ADD2: variants seen among roughly 807,000 people sequenced by gnomAD.
ADD2 encodes the protein adducin 2, also known as beta-adducin.
ADD2 carries 23 observed loss-of-function variants against 83.0 expected under a neutral mutation model. The observed-to-expected ratio is 0.28, with a 90% confidence interval of 0.20 to 0.39. The LOEUF is 0.39. ADD2 is among the 10% of genes least tolerant of loss of function. ADD2 has a pLI of 1.00. For missense variants in ADD2, 758 were observed against 944.9 expected, an observed-to-expected ratio of 0.80 and a Z score of 2.59; for synonymous variants, 375 against 375.4, an observed-to-expected ratio of 1.00 and a Z score of 0.01.
intron 1 of ADD2, among the ~76,000 whole-genome samples, chr2:70,759,494 G>C (rs782626371): frequency 2.0e-5 from 3 of 152,114 alleles, no homozygotes; most frequent in Admixed American, 2.0e-4. Flanking sequence ...GTTGAAGGAG[G>C]GGGTACCTGG....
intron 1 of ADD2, chr2:70,741,294 T>C (rs1673889560): frequency 6.6e-6 from 1 of 152,190 alleles, no homozygotes; most frequent in Admixed American, 6.5e-5. Context: ...ATTACTGACA[T>C]CTGACATTGA....
chr2:70,706,926 A>G lies in ADD2; in HGVS notation c.-34-484T>C, dbSNP rs1378065837. The stretch of plus-strand genomic sequence containing the variant: ...ACCTAGGTAATGGGTTGATAGGCGC[A>G]GCAAACCACCATGGCACACATTTAC... On this transcript the variant is annotated intron_variant, in intron 2 of 15. Transcript: ENST00000264436. The surrounding 1 kb of genome is among the most constrained non-coding windows in gnomAD (Gnocchi z 5.0). Among the ~76,000 whole-genome samples the G allele has an allele frequency of 1.3e-5, 2 of 152,234 alleles. No individual in the cohort carries two copies. The highest frequency in any genetic ancestry group is 3.8e-4 in the East Asian group (2 of 5,196).
At chr2:70,712,468 A>T (rs555685673) in intron 2 of ADD2, among the ~76,000 whole-genome samples, 33 of 151,922 alleles carry the variant, frequency 2.2e-4, no homozygotes, top group Middle Eastern at 6.8e-3. Context: ...AATAAAAAAA[A>T]AAAAAAAGAA....
chr2:70,664,704 CGTGT>C (rs782330975), intron 15 of ADD2, among the ~76,000 whole-genome samples: 3 of 151,742 alleles, frequency 2.0e-5, no homozygotes, highest in Non-Finnish European at 4.4e-5. Flanking sequence ...TGGGTGAGCA[CGTGT>C]GAGTGTGTAC....
At chr2:70,732,496 A>G (rs1673334249) in intron 1 of ADD2, among the ~76,000 whole-genome samples, 1 of 152,240 alleles carries the variant, frequency 6.6e-6, no homozygotes, top group Non-Finnish European at 1.5e-5. Flanking sequence ...AAGGCAAGGC[A>G]CTAAGCTGGC....
At chr2:70,673,149 C>T in intron 14 of ADD2, 143 bp from the exon 15 acceptor site, 2 of 1,551,332 alleles carry the variant, frequency 1.3e-6, no homozygotes, top group Non-Finnish European at 1.8e-6. Flanking sequence ...GAAGTTAGCT[C>T]CTCCCCCTGA....
chr2:70,740,044 G>A (rs1243121091), intron 1 of ADD2, among the ~76,000 whole-genome samples: 1 of 151,914 alleles, frequency 6.6e-6, no homozygotes, highest in Non-Finnish European at 1.5e-5. Flanking sequence ...AACTAAAATA[G>A]ATAATAAAAT....
At chr2:70,679,289 C>T (rs566033487) in intron 10 of ADD2, among the ~76,000 whole-genome samples, 1 of 152,198 alleles carries the variant, frequency 6.6e-6, no homozygotes, top group Non-Finnish European at 1.5e-5. Flanking sequence ...CCAGCCCTGG[C>T]TGTACACTAG....
chr2:70,676,532 G>C lies in ADD2; in HGVS notation c.1593+264C>G. On this transcript the variant is annotated intron_variant, in intron 13 of 15. Transcript: ENST00000264436. This position sits in a 1 kb window ranked among gnomAD's most constrained non-coding sequence, Gnocchi z 4.8. ...AGTGGAGTTCCATGGCAGGAGGTAC[G>C]GAAGCCGGCCGCATCACTCCTGCAG... 4.3e-6 allele frequency: 6 copies of C among 1,384,890 alleles called. No homozygotes were observed. Among genetic ancestry groups the C allele is most frequent in the Non-Finnish European group, 5.6e-6 (6 of 1,064,218 alleles). The allele number at this position is 1,384,890 out of a possible 1,614,324, so 85.8% of individuals were successfully genotyped here.
chr2:70,677,670 C>T, intron 12 of ADD2, 88 bp downstream of exon 12: 1 of 1,534,556 alleles, frequency 6.5e-7, no homozygotes, highest in Non-Finnish European at 8.9e-7. Context: ...GCGAGTCAGG[C>T]ACATCCTGGG....
rs1553386043 is a variant in ADD2, at chr2:70,766,333, C to T, written c.-154+1553G>A. 1.1e-4 allele frequency among the ~76,000 whole-genome samples: 17 copies of T among 152,156 alleles called. 1 individual carries two copies. The highest frequency in any genetic ancestry group is 2.5e-4 in the Non-Finnish European group (17 of 68,034). ...TAGGGAAGAAAGGCTGGGCAAGATC[C>T]TGATCTATAGGAGAAAAGTCTCTAC... On this transcript the variant is annotated intron_variant, in intron 1 of 15. Transcript: ENST00000264436.
At position 70,677,841 on chromosome 2, in the gene ADD2, C is replaced by T; in HGVS notation, c.1420G>A (p.Gly474Ser). ...GGGTTTTCGATGCGAATCGGCATGCCACTGCTGGATTTCTCCACCTCGTCA... is the reference window on the plus strand; with the variant it reads ...GGGTTTTCGATGCGAATCGGCATGCTACTGCTGGATTTCTCCACCTCGTCA... The part of the protein sequence containing the change: ...KADEVEKSSS[G>S]MPIRIENPNQ... Residue 474 changes from glycine (G) to serine (S), a missense_variant, in exon 12 of 16, where the codon GGC (glycine) becomes AGC (serine). Coordinates refer to ENST00000264436, the MANE Select transcript of ADD2 (RefSeq NM_001617.4). The T allele has an allele frequency of 6.2e-7, 1 of 1,614,184 alleles. No homozygotes were observed. Among genetic ancestry groups the T allele is most frequent in the Non-Finnish European group, 8.5e-7 (1 of 1,180,032 alleles).
At chr2:70,681,746 A>C (rs1481242306) in intron 10 of ADD2, among the ~76,000 whole-genome samples, 4 of 151,958 alleles carry the variant, frequency 2.6e-5, no homozygotes, top group African/African-American at 9.7e-5. Flanking sequence ...TTCCTTTATA[A>C]TATTTATACC....
chr2:70,759,483 T>A (rs551812381), intron 1 of ADD2, among the ~76,000 whole-genome samples: 1 of 152,144 alleles, frequency 6.6e-6, no homozygotes, highest in South Asian at 2.1e-4. Context: ...CCAAAGCCCA[T>A]GTTGAAGGAG....
At position 70,662,438 on chromosome 2, in the gene ADD2, A is replaced by C. The variant is rs1553365170; in HGVS notation, c.*987T>G. ...AAGATGCCAGTTTCGGTCTGTAAGC[A>C]AGTGTTTCTGGGGGTGAGGGAAGGT... On this transcript the variant is annotated 3_prime_UTR_variant, in exon 16 of 16. Transcript: ENST00000264436. The C allele has an allele frequency of 6.6e-6, 1 of 152,224 alleles. No homozygotes were observed. Among genetic ancestry groups the C allele is most frequent in the Non-Finnish European group, 1.5e-5 (1 of 68,098 alleles). 9.4% of individuals were successfully genotyped at this position (152,224 alleles called of 1,614,324 possible).
At chr2:70,663,758 G>T in intron 15 of ADD2, 23 bp from the exon 16 acceptor site, 1 of 1,598,096 alleles carries the variant, frequency 6.3e-7, no homozygotes, top group South Asian at 1.1e-5. Context: ...CAAAAGATAT[G>T]ACCTGTAAGA....
intron 1 of ADD2, among the ~76,000 whole-genome samples, chr2:70,753,235 A>G (rs912093423): frequency 7.9e-5 from 12 of 152,224 alleles, no homozygotes; most frequent in Admixed American, 2.0e-4. Context: ...TGCTGCTGAC[A>G]GGTCAAGTAA....
intron 4 of ADD2, among the ~76,000 whole-genome samples, chr2:70,697,393 C>T (rs1269469131): frequency 6.6e-6 from 1 of 152,154 alleles, no homozygotes; most frequent in Non-Finnish European, 1.5e-5. Context: ...TAGTCTTGTC[C>T]TCAGGGCATG....
chr2:70,683,888 A>G, intron 9 of ADD2, 121 bp from the exon 10 acceptor site: 1 of 1,117,518 alleles, frequency 8.9e-7, no homozygotes, highest in Non-Finnish European at 1.2e-6. Context: ...CCAAACTGAG[A>G]AAGAGCCACC....
Sources: gnomAD v4.1 joint callset for allele counts (sites outside exome capture counted in the v4.1 genomes callset) on GRCh38, gnomAD v4.1.1 for gene constraint, Gnocchi (gnomAD v3.1) non-coding constraint, MANE v1.5 for transcripts, NCBI Gene and HGNC (gene_info 2026-07-23, HGNC 2026-07-21) for gene names.